Variants in TDG observed in about 807,000 individuals in gnomAD.
TDG encodes thymine DNA glycosylase, also known as G/T mismatch-specific thymine DNA glycosylase.
Under a neutral mutation model 46.1 loss-of-function variants are expected in TDG, and 23 were observed. The ratio of observed to expected loss-of-function variants is 0.50; its 90% confidence interval spans 0.36 to 0.71. TDG has a LOEUF of 0.71. Ranked by LOEUF, TDG falls within the 30% of genes least tolerant of loss-of-function variation. The probability of loss-of-function intolerance (pLI) is 0.00; values close to 1 mark genes in which losing one functional copy is unlikely to be tolerated. For synonymous variants in TDG, 115 were observed against 161.3 expected (o/e 0.71, Z 2.18); for missense variants, 304 against 486.7 (o/e 0.62, Z 3.53).
Position 103,966,055 on chromosome 12 carries a change from G to C in TDG, c.18G>C (p.Ala6=), listed in dbSNP as rs760975474. 2.5e-6 allele frequency: 4 copies of C among 1,592,842 alleles called. No individual in the cohort carries two copies. In the African/African-American group the frequency reaches 4.1e-5, roughly 16 times the overall value. MEAEN[A]GSYSLQQAQA... ...CTCGGGGAATGGAAGCGGAGAACGCGGGCAGGTAATACCGGGGCCAGCGCC... is the reference window on the plus strand; with the variant it reads ...CTCGGGGAATGGAAGCGGAGAACGCCGGCAGGTAATACCGGGGCCAGCGCC... The change falls in exon 1 of 10, where the codon GCG becomes GCC. Residue 6 remains alanine (A), a synonymous_variant. Coordinates refer to ENST00000392872, the MANE Select transcript of TDG (RefSeq NM_003211.6).
intron 1 of TDG, 41 bp downstream of exon 1, chr12:103,966,101 A>C: frequency 6.6e-7 from 1 of 1,511,096 alleles, no homozygotes; most frequent in Non-Finnish European, 8.9e-7. Context: ...TGCGCCCCTC[A>C]CTGCTGGGCA....
intron 1 of TDG, among the ~76,000 whole-genome samples, chr12:103,975,862 A>G (rs1199481492): frequency 1.4e-5 from 2 of 144,584 alleles, no homozygotes; most frequent in Non-Finnish European, 3.0e-5. Context: ...GGGTTTTGCC[A>G]TGTTGGTCAG....
In TDG at chr12:103,987,101, T is replaced by G; in HGVS notation, c.*11T>G. ...GAAAGCCATGCTTAAGAATGGTGCT[T>G]CTCAGCTCTGCTTAAATGCTGCAGT... is the stretch of plus-strand genomic sequence containing the variant. On this transcript the variant is annotated 3_prime_UTR_variant, in exon 10 of 10. Coordinates refer to ENST00000392872, the MANE Select transcript of TDG (RefSeq NM_003211.6). 6.2e-7 allele frequency: 1 copy of G among 1,612,036 alleles called. No homozygotes were observed. The highest frequency in any genetic ancestry group is 8.5e-7 in the Non-Finnish European group (1 of 1,178,900).
At chr12:103,979,109 C>CTTTTTTTTTTTTTTTTTTT (rs372883902) in intron 2 of TDG, among the ~76,000 whole-genome samples, 12 of 123,592 alleles carry the variant, frequency 9.7e-5, no homozygotes, top group Non-Finnish European at 1.6e-4. Context: ...TTTTTTCTTT[C>CTTTTTTTTTTTTTTTTTTT]TTTTTTTTTT....
chr12:103,974,141 T>G (rs1427136409), intron 1 of TDG, among the ~76,000 whole-genome samples: 2 of 152,000 alleles, frequency 1.3e-5, no homozygotes, highest in Non-Finnish European at 2.9e-5. Flanking sequence ...ATCCTTTGTT[T>G]CCCCAGGCCA....
chr12:103,986,772 T>C, intron 9 of TDG, 176 bp from the exon 10 acceptor site: 1 of 583,688 alleles, frequency 1.7e-6, no homozygotes, highest in Non-Finnish European at 2.9e-6. Context: ...GTAATCCCAG[T>C]GCTTTGAGAG....
chr12:103,969,718 G>A (rs544806086), intron 1 of TDG, among the ~76,000 whole-genome samples: 12 of 152,200 alleles, frequency 7.9e-5, no homozygotes, highest in Non-Finnish European at 1.2e-4. Flanking sequence ...GACAGTGTTC[G>A]TTGATGGGAA....
Position 103,972,521 on chromosome 12 carries a change from T to C in TDG, c.24-4397T>C, listed in dbSNP as rs116466182. On this transcript the variant is annotated intron_variant, in intron 1 of 9. Transcript: ENST00000392872. ...GGAATAAGAATGTTGTAATCCACCA[T>C]CTTTTATTCTGGCTTTTAGGCAGCT... 8.1e-3 allele frequency among the ~76,000 whole-genome samples: 1,241 copies of C among 152,340 alleles called. 20 individuals carry two copies. The highest frequency in any genetic ancestry group is 0.027 in the African/African-American group (1,132 of 41,572).
intron 7 of TDG, among the ~76,000 whole-genome samples, 183 bp from the exon 8 acceptor site, chr12:103,984,565 CT>C (rs1872013134): frequency 6.6e-6 from 1 of 152,164 alleles, no homozygotes; most frequent in African/African-American, 2.4e-5. Flanking sequence ...CACTTCCTGA[CT>C]TGGTAATAAG....
intron 1 of TDG, among the ~76,000 whole-genome samples, 184 bp downstream of exon 1, chr12:103,966,244 C>T (rs1053877580): frequency 6.6e-6 from 1 of 152,170 alleles, no homozygotes; most frequent in South Asian, 2.1e-4. Context: ...TGGTGGAGGT[C>T]GGGGCTGCTC....
intron 1 of TDG, among the ~76,000 whole-genome samples, chr12:103,971,757 T>G (rs865978530): frequency 6.6e-6 from 1 of 152,200 alleles, no homozygotes; most frequent in Non-Finnish European, 1.5e-5. Flanking sequence ...TCAATCGTGC[T>G]TGTAAGTTTA....
chr12:103,976,408 C>CACACA (rs1566179985), intron 1 of TDG, among the ~76,000 whole-genome samples: 2 of 147,450 alleles, frequency 1.4e-5, no homozygotes, highest in African/African-American at 5.0e-5. Context: ...CCCTGTCTCC[C>CACACA]CACACACACA....
At chr12:103,968,460 A>G (rs976458485) in intron 1 of TDG, among the ~76,000 whole-genome samples, 2 of 152,230 alleles carry the variant, frequency 1.3e-5, no homozygotes, top group African/African-American at 2.4e-5. Context: ...TCCCCAGTCT[A>G]CTGGCATGGT....
intron 1 of TDG, among the ~76,000 whole-genome samples, chr12:103,976,575 G>C (rs1301597891): frequency 6.6e-6 from 1 of 152,232 alleles, no homozygotes. Flanking sequence ...TCTTAACCCT[G>C]TATGGGTTGA....
Position 103,984,900 on chromosome 12 carries a change from T to C in TDG, c.944T>C (p.Phe315Ser). ...NMDVQEVQYT[F>S]DLQLAQEDAK... ...GACGTTCAAGAGGTGCAATATACAT[T>C]TGACCTACAGCTTGCCCAAGGTATG... Residue 315 changes from phenylalanine to serine, a missense_variant, in exon 8 of 10, where the codon TTT (phenylalanine) becomes TCT (serine). Transcript: ENST00000392872. The C allele has an allele frequency of 6.2e-7, 1 of 1,612,282 alleles. No individual in the cohort carries two copies.
intron 1 of TDG, among the ~76,000 whole-genome samples, chr12:103,972,394 G>A (rs1286304802): frequency 6.6e-6 from 1 of 152,234 alleles, no homozygotes; most frequent in African/African-American, 2.4e-5. Context: ...TGGGATTACA[G>A]GCGTGAGCCA....
At chr12:103,985,983 G>C (rs1044339833) in intron 9 of TDG, among the ~76,000 whole-genome samples, 2 of 152,024 alleles carry the variant, frequency 1.3e-5, no homozygotes, top group African/African-American at 2.4e-5. Flanking sequence ...GCAGTGGCTC[G>C]ATCTTGGCTC....
At chr12:103,983,108 T>A (rs578245568) in intron 5 of TDG, 28 bp from the exon 6 acceptor site, 1 of 1,559,216 alleles carries the variant, frequency 6.4e-7, no homozygotes, top group East Asian at 2.3e-5. Context: ...ATATTTATAT[T>A]TTTGACTACT....
intron 1 of TDG, 74 bp downstream of exon 1, chr12:103,966,134 C>A: frequency 7.1e-7 from 1 of 1,411,686 alleles, no homozygotes; most frequent in East Asian, 2.9e-5. Context: ...CGCGCGCGCG[C>A]ACGCAGGGGT....
Sources: gnomAD v4.1 joint callset for allele counts (sites outside exome capture counted in the v4.1 genomes callset) on GRCh38, gnomAD v4.1.1 for gene constraint, MANE v1.5 for transcripts, NCBI Gene and HGNC (gene_info 2026-07-23, HGNC 2026-07-21) for gene names.